PLEKHB1: variants seen among roughly 807,000 people sequenced by gnomAD.
PLEKHB1 encodes the protein pleckstrin homology domain containing B1, also known as pleckstrin homology domain-containing family B member 1.
In PLEKHB1, 29 loss-of-function variants were observed where a neutral mutation model predicts 36.2. That is an observed-to-expected ratio of 0.80 (90% CI 0.60 to 1.09). PLEKHB1 has a LOEUF of 1.09. PLEKHB1 is among the 50% of genes least tolerant of loss of function. PLEKHB1 has a pLI of 0.00. For synonymous variants in PLEKHB1, 138 were observed against 140.0 expected (o/e 0.99, Z 0.10); for missense variants, 330 against 348.2 (o/e 0.95, Z 0.42).
chr11:73,653,454 G>C (rs1381469746), intron 5 of PLEKHB1: 3 of 463,754 alleles, frequency 6.5e-6, no homozygotes, highest in Non-Finnish European at 8.6e-6. Context: ...AAGTGCCAGG[G>C]ATCAGAGGTG....
chr11:73,659,768 A>G (rs1005772538), intron 6 of PLEKHB1, among the ~76,000 whole-genome samples: 3 of 152,208 alleles, frequency 2.0e-5, no homozygotes, highest in African/African-American at 7.2e-5. Flanking sequence ...TGCATTCCAG[A>G]GAGAACACTG....
intron 3 of PLEKHB1, chr11:73,651,392 T>TCTCTC: frequency 2.1e-6 from 1 of 470,578 alleles, no homozygotes; most frequent in Non-Finnish European, 4.2e-6. Flanking sequence ...ATCAGTCCTT[T>TCTCTC]AGTGCCTTTC....
Position 73,650,560 on chromosome 11 carries a change from C to A in PLEKHB1, c.102C>A (p.Ile34=), listed in dbSNP as rs748525066. The part of the protein sequence containing the change: ...RGGWLWRQSS[I]LRRWKRNWFA... The stretch of plus-strand genomic sequence containing the variant: ...ATCTGGAATATCGTACAGGCTCCAT[C>A]CTCCGCCGCTGGAAGCGGAACTGGT... The change falls in exon 3 of 8, where the codon ATC becomes ATA. Residue 34 remains isoleucine (I), a synonymous_variant. Coordinates refer to ENST00000354190, the MANE Select transcript of PLEKHB1 (RefSeq NM_021200.3). 1.6e-5 allele frequency: 26 copies of A among 1,610,088 alleles called. No individual in the cohort carries two copies. The East Asian group carries it at 5.8e-4, about 36-fold the overall frequency.
In PLEKHB1 at chr11:73,648,740, G is replaced by A. The variant is rs118101918; in HGVS notation, c.19-272G>A. On this transcript the variant is annotated intron_variant, in intron 1 of 7. Transcript: ENST00000354190. ...CCAGGACAGAGGGCCAGGGAGGAGG[G>A]ATATGGCCAAAGTTACCAAGCTGAG... 8 of 1,220,680 alleles carry A rather than the reference G, an allele frequency of 6.6e-6. No homozygotes were observed. In the East Asian group the frequency reaches 2.3e-4, roughly 35 times the overall value. The allele number at this position is 1,220,680 out of a possible 1,614,324, so 75.6% of individuals were successfully genotyped here. A position where few individuals can be genotyped will look rare whatever the true frequency, so the allele number is the denominator to read the frequency against.
In PLEKHB1 at chr11:73,661,176, C is replaced by T. The variant is rs978239599; in HGVS notation, c.596-290C>T. Among the ~76,000 whole-genome samples the T allele has an allele frequency of 6.6e-6, 1 of 152,200 alleles. No homozygotes were observed. The highest frequency in any genetic ancestry group is 2.4e-5 in the African/African-American group (1 of 41,452). On this transcript the variant is annotated intron_variant, in intron 7 of 7. Coordinates refer to ENST00000354190, the MANE Select transcript of PLEKHB1 (RefSeq NM_021200.3). The surrounding 1 kb of genome is among the most constrained non-coding windows in gnomAD (Gnocchi z 4.6). ...CTCTGGGGCCTGGCGGTTGGGAATGCCCATCGTTAGGCGCCTGGTGGTTGT... is the reference window on the plus strand; with the variant it reads ...CTCTGGGGCCTGGCGGTTGGGAATGTCCATCGTTAGGCGCCTGGTGGTTGT...
chr11:73,653,035 C>T lies in PLEKHB1; in HGVS notation c.390+21C>T, dbSNP rs758007990. On this transcript the variant is annotated intron_variant, in intron 5 of 7. Coordinates refer to ENST00000354190, the MANE Select transcript of PLEKHB1 (RefSeq NM_021200.3). The stretch of plus-strand genomic sequence containing the variant: ...CCCCGGTGAGTCTCCCGTTCTCTCC[C>T]CCTTTCCCCACCACCTCCATGTGCC... The T allele has an allele frequency of 2.1e-5, 33 of 1,602,244 alleles. No individual in the cohort carries two copies. In the Middle Eastern group the frequency reaches 2.0e-3, roughly 99 times the overall value.
At chr11:73,648,934 C>T (rs1944825388) in intron 1 of PLEKHB1, 78 bp from the exon 2 acceptor site, 2 of 1,528,286 alleles carry the variant, frequency 1.3e-6, no homozygotes, top group Non-Finnish European at 1.8e-6. Context: ...TGGGTGGCTC[C>T]CCAGGGACGG....
At chr11:73,660,347 C>A in intron 6 of PLEKHB1, 1 of 188,246 alleles carries the variant, frequency 5.3e-6, no homozygotes, top group Non-Finnish European at 1.1e-5. Context: ...TCCTTCCTCC[C>A]CAACCCCTGT....
chr11:73,647,877 C>A, intron 1 of PLEKHB1: 1 of 979,972 alleles, frequency 1.0e-6, no homozygotes, highest in Non-Finnish European at 1.2e-6. Flanking sequence ...GTGTGCCAGC[C>A]CTTGTTACGC....
intron 3 of PLEKHB1, chr11:73,651,491 C>T (rs1355779963): frequency 3.4e-6 from 2 of 588,144 alleles, no homozygotes; most frequent in East Asian, 3.7e-5. Flanking sequence ...AATTAGGAGG[C>T]CCAGAGAAGC....
At chr11:73,651,351 C>CT (rs1944887835) in intron 3 of PLEKHB1, 1 of 401,206 alleles carries the variant, frequency 2.5e-6, no homozygotes, top group Non-Finnish European at 4.7e-6. Context: ...TAGACCCTGT[C>CT]TCAAAAAAAA....
chr11:73,652,914 G>C (rs1343742378), intron 4 of PLEKHB1, 61 bp from the exon 5 acceptor site: 1 of 1,443,750 alleles, frequency 6.9e-7, no homozygotes, highest in Non-Finnish European at 9.5e-7. Context: ...CTAAAATGTG[G>C]GGGCCCAATT....
intron 4 of PLEKHB1, 50 bp from the exon 5 acceptor site, chr11:73,652,925 C>A: frequency 6.5e-7 from 1 of 1,534,774 alleles, no homozygotes; most frequent in Non-Finnish European, 8.9e-7. Context: ...GGGCCCAATT[C>A]ACCCACCCCC....
chr11:73,655,673 C>T (rs1944977842), intron 5 of PLEKHB1, 130 bp from the exon 6 acceptor site: 2 of 712,194 alleles, frequency 2.8e-6, no homozygotes, highest in Non-Finnish European at 2.4e-6. Flanking sequence ...AGAGGATGCT[C>T]CCTGCCACAG....
intron 6 of PLEKHB1, among the ~76,000 whole-genome samples, chr11:73,660,135 G>A (rs1945075058): frequency 6.6e-6 from 1 of 152,198 alleles, no homozygotes; most frequent in Non-Finnish European, 1.5e-5. Context: ...GCAGTAGCCT[G>A]CTGAACAGGT....
At chr11:73,656,054 T>G in intron 6 of PLEKHB1, 147 bp downstream of exon 6, 1 of 693,146 alleles carries the variant, frequency 1.4e-6, no homozygotes, top group Non-Finnish European at 2.5e-6. Context: ...TGCTGTACCC[T>G]CTGTCCCCAG....
intron 2 of PLEKHB1, among the ~76,000 whole-genome samples, chr11:73,649,923 C>T (rs1040248463): frequency 6.6e-6 from 1 of 152,184 alleles, no homozygotes; most frequent in Non-Finnish European, 1.5e-5. Context: ...GATAAGAGGC[C>T]GGGCACAGTG....
At chr11:73,652,169 T>G in intron 4 of PLEKHB1, 1 of 452,456 alleles carries the variant, frequency 2.2e-6, no homozygotes, top group Non-Finnish European at 4.0e-6. Context: ...TTTAGCGGCC[T>G]CTGAGGTGAG....
At chr11:73,653,048 A>C (rs1478786476) in intron 5 of PLEKHB1, 34 bp downstream of exon 5, 1 of 1,587,246 alleles carries the variant, frequency 6.3e-7, no homozygotes, top group Non-Finnish European at 8.6e-7. Context: ...TTTCCCCACC[A>C]CCTCCATGTG....
Sources: allele counts gnomAD v4.1 joint callset (sites outside exome capture counted in the v4.1 genomes callset), GRCh38; gene constraint gnomAD v4.1.1; non-coding constraint Gnocchi (gnomAD v3.1); transcripts MANE v1.5; gene names NCBI Gene and HGNC (gene_info 2026-07-23, HGNC 2026-07-21).